KAZN: variants seen among roughly 807,000 people sequenced by gnomAD.
The protein encoded by KAZN is kazrin.
Under a neutral mutation model 87.4 loss-of-function variants are expected in KAZN, and 40 were observed. The ratio of observed to expected loss-of-function variants is 0.46; its 90% confidence interval spans 0.36 to 0.60. The LOEUF is 0.60. Among genes scored for constraint, KAZN ranks in the 20% least tolerant of loss-of-function variants. The probability of loss-of-function intolerance (pLI) is 0.00; values close to 1 mark genes in which losing one functional copy is unlikely to be tolerated. For synonymous variants in KAZN, 466 were observed against 458.3 expected, an observed-to-expected ratio of 1.02 and a Z score of -0.22; for missense variants, 898 against 1,073.9, an observed-to-expected ratio of 0.84 and a Z score of 2.29.
intron 4 of KAZN, 89 bp downstream of exon 4, chr1:15,044,248 G>C: frequency 6.6e-6 from 3 of 456,366 alleles, no homozygotes; most frequent in Non-Finnish European, 1.0e-5. Flanking sequence ...TCACATCGGA[G>C]ACCTAGGGTG....
At chr1:14,594,154 C>T (rs537439206), upstream of KAZN, among the ~76,000 whole-genome samples, 3 of 152,278 alleles carry the variant, frequency 2.0e-5, no homozygotes, top group South Asian at 4.1e-4. Flanking sequence ...ATGTATGCCA[C>T]TTGTTTTAGC....
intron 4 of KAZN, among the ~76,000 whole-genome samples, chr1:15,048,359 A>T (rs934484368): frequency 6.6e-6 from 1 of 152,194 alleles, no homozygotes; most frequent in Non-Finnish European, 1.5e-5. Flanking sequence ...TGAACCAGGC[A>T]TTACCACCCA....
At chr1:15,073,428 C>T (rs570014805) in intron 8 of KAZN, among the ~76,000 whole-genome samples, 4 of 152,264 alleles carry the variant, frequency 2.6e-5, no homozygotes, top group Non-Finnish European at 4.4e-5. Flanking sequence ...AGGGCAGACT[C>T]GCCAGGGCCA....
At chr1:13,952,988 C>G (rs980037827) in intron 1 of KAZN, among the ~76,000 whole-genome samples, 3 of 152,168 alleles carry the variant, frequency 2.0e-5, no homozygotes, top group Non-Finnish European at 2.9e-5. Flanking sequence ...GATATTCGAA[C>G]AGCCAAAGCT....
chr1:13,933,672 T>A (rs1432637128), intron 1 of KAZN, among the ~76,000 whole-genome samples: 1 of 152,248 alleles, frequency 6.6e-6, no homozygotes, highest in Non-Finnish European at 1.5e-5. Context: ...GGCTAATATT[T>A]GCTGAATGGT....
chr1:14,401,718 T>C (rs1663424113), intron 2 of KAZN, among the ~76,000 whole-genome samples: 1 of 152,016 alleles, frequency 6.6e-6, no homozygotes, highest in African/African-American at 2.4e-5. Flanking sequence ...AATGTAAAAA[T>C]AAATCTATCA....
chr1:14,600,846 C>T (rs1052878483), intron 1 of KAZN, among the ~76,000 whole-genome samples: 2 of 152,140 alleles, frequency 1.3e-5, no homozygotes, highest in Non-Finnish European at 2.9e-5. Flanking sequence ...CCTTTCTCCG[C>T]GAAGGAAAAG....
intron 1 of KAZN, among the ~76,000 whole-genome samples, chr1:14,092,096 T>C (rs536691811): frequency 1.6e-4 from 24 of 147,538 alleles, no homozygotes; most frequent in African/African-American, 4.2e-4. Flanking sequence ...TCTTTTCTTT[T>C]TTTTTTTTTT....
chr1:13,935,967 AT>A (rs1640719676), intron 1 of KAZN, among the ~76,000 whole-genome samples: 2 of 151,234 alleles, frequency 1.3e-5, no homozygotes, highest in South Asian at 4.2e-4. Flanking sequence ...ACTAGAATAT[AT>A]ATACTATTAT....
At chr1:14,480,421 C>T (rs1202403118) in intron 2 of KAZN, among the ~76,000 whole-genome samples, 2 of 151,890 alleles carry the variant, frequency 1.3e-5, no homozygotes, top group Non-Finnish European at 2.9e-5. Flanking sequence ...CATACAATAG[C>T]AGTTTGGTGT....
intron 2 of KAZN, among the ~76,000 whole-genome samples, chr1:14,562,746 GCC>G (rs2148530664): frequency 6.6e-6 from 1 of 152,310 alleles, no homozygotes; most frequent in African/African-American, 2.4e-5. Flanking sequence ...TGCAAGGAGT[GCC>G]CTGTGTTTAT....
intron 2 of KAZN, among the ~76,000 whole-genome samples, chr1:14,302,149 C>G (rs942919522): frequency 6.6e-6 from 1 of 152,186 alleles, no homozygotes; most frequent in African/African-American, 2.4e-5. Context: ...ATATCTTTCT[C>G]TATTTCCGAA....
intron 4 of KAZN, among the ~76,000 whole-genome samples, chr1:15,045,441 G>A (rs1328113394): frequency 6.6e-6 from 1 of 152,068 alleles, no homozygotes; most frequent in Non-Finnish European, 1.5e-5. Context: ...AACAACGCAG[G>A]GCTTAGGGGT....
chr1:13,947,332 A>G (rs1382692590), intron 1 of KAZN, among the ~76,000 whole-genome samples: 6 of 152,128 alleles, frequency 3.9e-5, no homozygotes, highest in African/African-American at 1.4e-4. Flanking sequence ...TCGGGTAGCA[A>G]GAGGCAAAAT....
intron 1 of KAZN, among the ~76,000 whole-genome samples, chr1:14,752,871 A>T (rs781116573): frequency 6.6e-6 from 1 of 152,154 alleles, no homozygotes; most frequent in Non-Finnish European, 1.5e-5. Context: ...AACACCAGCT[A>T]CCATTGGAGA....
At chr1:14,083,722 C>T (rs994378296) in intron 1 of KAZN, among the ~76,000 whole-genome samples, 2 of 152,170 alleles carry the variant, frequency 1.3e-5, no homozygotes, top group African/African-American at 2.4e-5. Context: ...AAGACTTTCT[C>T]CTGAACCCAG....
At chr1:14,699,617 G>T (rs1419170267) in intron 1 of KAZN, among the ~76,000 whole-genome samples, 2 of 152,180 alleles carry the variant, frequency 1.3e-5, no homozygotes, top group African/African-American at 4.8e-5. Context: ...GAAAGAGAGC[G>T]ATGAGGAGCA....
chr1:14,300,686 T>C (rs945856590), intron 2 of KAZN, among the ~76,000 whole-genome samples: 4 of 152,172 alleles, frequency 2.6e-5, no homozygotes, highest in African/African-American at 7.2e-5. Flanking sequence ...CTGACTGAGA[T>C]AGTGGCCATG....
In KAZN at chr1:14,709,135, C is replaced by T. The variant is rs144156155; in HGVS notation, c.226+109912C>T. Reference sequence around the variant, plus strand: ...CACTGCATCCTCACCACCACCCTAACGGCACAGATGAATCGGAGGCACGAA... The same window carrying T: ...CACTGCATCCTCACCACCACCCTAATGGCACAGATGAATCGGAGGCACGAA... On this transcript the variant is annotated intron_variant, in intron 1 of 14. Coordinates refer to ENST00000376030, the MANE Select transcript of KAZN (RefSeq NM_201628.3). Among the ~76,000 whole-genome samples, 10 of 152,120 alleles carry T rather than the reference C, an allele frequency of 6.6e-5. No homozygotes were observed. The South Asian group carries it at 1.0e-3, about 16-fold the overall frequency.
Sources: gnomAD v4.1 joint callset for allele counts (sites outside exome capture counted in the v4.1 genomes callset) on GRCh38, gnomAD v4.1.1 for gene constraint, MANE v1.5 for transcripts, NCBI Gene and HGNC (gene_info 2026-07-23, HGNC 2026-07-21) for gene names.